The following ERP29 variants were observed in gnomAD, a reference collection of about 807,000 sequenced individuals.
The protein encoded by ERP29 is endoplasmic reticulum resident protein 29.
Under a neutral mutation model 21.7 loss-of-function variants are expected in ERP29, and 14 were observed. That is an observed-to-expected ratio of 0.64 (90% CI 0.43 to 1.01). The LOEUF (loss-of-function observed/expected upper bound fraction) is 1.01, where lower values mean the gene tolerates loss of function less well. Among genes scored for constraint, ERP29 ranks in the 50% least tolerant of loss-of-function variants. The pLI is 0.00. For synonymous variants in ERP29, 129 were observed against 139.1 expected, an observed-to-expected ratio of 0.93 and a Z score of 0.51; for missense variants, 286 against 327.3, an observed-to-expected ratio of 0.87 and a Z score of 0.97.
At chr12:112,020,036 A>G in intron 2 of ERP29, 142 bp downstream of exon 2, 1 of 1,030,148 alleles carries the variant, frequency 9.7e-7, no homozygotes, top group South Asian at 1.5e-5. Context: ...TGGTCTCTAA[A>G]GGAATCTGCT....
intron 2 of ERP29, among the ~76,000 whole-genome samples, chr12:112,020,905 G>T (rs1406491815): frequency 6.6e-6 from 1 of 152,164 alleles, no homozygotes; most frequent in Non-Finnish European, 1.5e-5. Context: ...ACTTGCTCAA[G>T]ATTGTGGAAT....
chr12:112,019,609 G>C, intron 1 of ERP29, 147 bp from the exon 2 acceptor site: 1 of 896,102 alleles, frequency 1.1e-6, no homozygotes, highest in Admixed American at 1.9e-5. Flanking sequence ...TGAGTCAGTG[G>C]GTGAATGAAT....
intron 1 of ERP29, among the ~76,000 whole-genome samples, chr12:112,018,422 G>A (rs1026056364): frequency 2.6e-5 from 4 of 152,104 alleles, no homozygotes; most frequent in Admixed American, 2.6e-4. Context: ...ACAGGTGTGA[G>A]CCACCATGCT....
rs376197835 is a variant in ERP29 at position 112,020,716 on chromosome 12, C to T, written c.283+822C>T. ...GATTTGACTCAACTTCAGGTAACTC[C>T]CTTGGTGCTTTTATTAGAATAATAA... On this transcript the variant is annotated intron_variant, in intron 2 of 2. Coordinates refer to ENST00000261735, the MANE Select transcript of ERP29 (RefSeq NM_006817.4). 2.0e-5 allele frequency among the ~76,000 whole-genome samples: 3 copies of T among 152,260 alleles called. No homozygotes were observed. In the East Asian group the frequency reaches 5.8e-4, roughly 29 times the overall value.
chr12:112,013,887 T>G (rs1276109515), intron 1 of ERP29, among the ~76,000 whole-genome samples: 3 of 152,170 alleles, frequency 2.0e-5, no homozygotes, highest in Non-Finnish European at 4.4e-5. Context: ...GGGTGCCCCT[T>G]CCCTTCACCT....
Position 112,013,552 on chromosome 12 carries a change from C to A in ERP29, c.87C>A (p.Gly29=). The A allele has an allele frequency of 6.2e-7, 1 of 1,612,374 alleles. No homozygotes were observed. Among genetic ancestry groups the A allele is most frequent in the Non-Finnish European group, 8.5e-7 (1 of 1,179,292 alleles). Residue 29 remains glycine, a synonymous_variant, in exon 1 of 3, where the codon GGC becomes GGA. Transcript: ENST00000261735. The part of the protein sequence containing the change: ...LGFLLLSAPH[G]GSGLHTKGAL... The stretch of plus-strand genomic sequence containing the variant: ...TCCTGCTCCTCTCCGCTCCGCATGG[C>A]GGCAGCGGCCTGCACACCAAGGGCG...
intron 1 of ERP29, chr12:112,015,321 C>T (rs1227615889): frequency 1.3e-5 from 2 of 151,460 alleles, no homozygotes; most frequent in African/African-American, 4.9e-5. Flanking sequence ...AACCCTGTCT[C>T]TACTAAAAAT....
intron 1 of ERP29, among the ~76,000 whole-genome samples, chr12:112,014,148 C>T (rs1183155207): frequency 6.6e-6 from 1 of 152,152 alleles, no homozygotes; most frequent in Non-Finnish European, 1.5e-5. Flanking sequence ...GAAGAATAAG[C>T]TTCAGTTCAG....
At chr12:112,015,198 A>G (rs80041269) in intron 1 of ERP29, 1 of 149,724 alleles carries the variant, frequency 6.7e-6, no homozygotes, top group Non-Finnish European at 1.5e-5. Flanking sequence ...AAAAAAAAAA[A>G]AAGTGTGGGC....
intron 1 of ERP29, among the ~76,000 whole-genome samples, chr12:112,014,145 A>G (rs1274405797): frequency 6.6e-6 from 1 of 152,076 alleles, no homozygotes; most frequent in African/African-American, 2.4e-5. Context: ...CGTGAAGAAT[A>G]AGCTTCAGTT....
intron 1 of ERP29, 93 bp downstream of exon 1, chr12:112,013,702 G>T: frequency 7.4e-7 from 1 of 1,357,256 alleles, no homozygotes; most frequent in African/African-American, 1.5e-5. Context: ...GGGAGCTGAC[G>T]GGAGGTGGTC....
In ERP29 at chr12:112,022,948, T is replaced by C; in HGVS notation, c.*296T>C. ...GTACTGCCCAGGTCTTTGACAGATG[T>C]AATTCTCATTCAATTAAAGTTTCAG... On this transcript the variant is annotated 3_prime_UTR_variant, in exon 3 of 3. Coordinates refer to ENST00000261735, the MANE Select transcript of ERP29 (RefSeq NM_006817.4). 3.5e-6 allele frequency: 1 copy of C among 288,658 alleles called. No homozygotes were observed. Among genetic ancestry groups the C allele is most frequent in the Non-Finnish European group, 6.4e-6 (1 of 155,872 alleles). 17.9% of individuals were successfully genotyped at this position (288,658 alleles called of 1,614,324 possible).
chr12:112,022,160 C>T lies in ERP29; in HGVS notation c.294C>T (p.Asp98=), dbSNP rs1301694526. 3 of 1,614,084 alleles carry T rather than the reference C, an allele frequency of 1.9e-6. No individual in the cohort carries two copies. The Admixed American group carries it at 5.0e-5, about 27-fold the overall frequency. The part of the protein sequence containing the change: ...VAEVGISDYG[D]KLNMELSEKY... The stretch of plus-strand genomic sequence containing the variant: ...GGTTTCTGCTCACAGATTATGGTGA[C>T]AAGCTGAACATGGAGCTGAGTGAGA... Residue 98 remains aspartate (D), a synonymous_variant, in exon 3 of 3, where the codon GAC becomes GAT. Transcript: ENST00000261735.
chr12:112,018,973 G>C (rs557615200), intron 1 of ERP29: 1 of 152,350 alleles, frequency 6.6e-6, no homozygotes, highest in South Asian at 2.1e-4. Flanking sequence ...TAGATGAGTG[G>C]TTGCTGGGGC....
In ERP29 at chr12:112,019,849, T is replaced by A. The variant is rs1183521751; in HGVS notation, c.238T>A (p.Ser80Thr). The A allele has an allele frequency of 6.2e-7, 1 of 1,613,940 alleles. No individual in the cohort carries two copies. The highest frequency in any genetic ancestry group is 2.2e-5 in the East Asian group (1 of 44,884). Residue 80 changes from serine (S) to threonine (T), a missense_variant, in exon 2 of 3, where the codon TCG (serine) becomes ACG (threonine). By Grantham distance (58) the Ser-to-Thr change is moderately conservative. Coordinates refer to ENST00000261735, the MANE Select transcript of ERP29 (RefSeq NM_006817.4). ...TGAGTTCAAGCGTCTTGCTGAAAAC[T>A]CGGCTTCCAGCGATGATCTCTTGGT... The part of the protein sequence containing the change: ...QDEFKRLAEN[S>T]ASSDDLLVAE...
chr12:112,019,077 T>TG (rs2078029594), intron 1 of ERP29: 1 of 155,018 alleles, frequency 6.5e-6, no homozygotes, highest in South Asian at 2.0e-4. Flanking sequence ...GTAACCTCTA[T>TG]GGTTGCACAT....
At chr12:112,021,825 C>T (rs975865738) in intron 2 of ERP29, among the ~76,000 whole-genome samples, 2 of 152,046 alleles carry the variant, frequency 1.3e-5, no homozygotes, top group Non-Finnish European at 2.9e-5. Flanking sequence ...CGCACCCGTC[C>T]GAGCTTAATA....
intron 2 of ERP29, 100 bp downstream of exon 2, chr12:112,019,994 CCACTCT>C: frequency 1.4e-6 from 2 of 1,436,108 alleles, no homozygotes; most frequent in Non-Finnish European, 1.9e-6. Context: ...TCCTTCTGAG[CCACTCT>C]CAAGGAGTGT....
intron 1 of ERP29, among the ~76,000 whole-genome samples, chr12:112,016,426 C>T (rs1453862997): frequency 6.6e-6 from 1 of 152,202 alleles, no homozygotes; most frequent in African/African-American, 2.4e-5. Context: ...TTGTTCCCTG[C>T]TGTGTTCACT....
Sources: gnomAD v4.1 joint callset for allele counts (sites outside exome capture counted in the v4.1 genomes callset) on GRCh38, gnomAD v4.1.1 for gene constraint, MANE v1.5 for transcripts, NCBI Gene and HGNC (gene_info 2026-07-23, HGNC 2026-07-21) for gene names.